ARHGAP29: variants seen among roughly 807,000 people sequenced by gnomAD.
ARHGAP29 encodes the protein rho GTPase-activating protein 29.
Under a neutral mutation model 122.6 loss-of-function variants are expected in ARHGAP29, and 43 were observed. The observed-to-expected ratio is 0.35, with a 90% confidence interval of 0.27 to 0.45. ARHGAP29 has a LOEUF of 0.45. ARHGAP29 is among the 20% of genes least tolerant of loss of function. ARHGAP29 has a pLI of 1.00. For synonymous variants in ARHGAP29, 506 were observed against 497.1 expected (o/e 1.02, Z -0.24); for missense variants, 1,303 against 1,477.2 (o/e 0.88, Z 1.93).
At chr1:94,183,251 G>A (rs1649590536) in intron 19 of ARHGAP29, among the ~76,000 whole-genome samples, 1 of 152,080 alleles carries the variant, frequency 6.6e-6, no homozygotes, top group South Asian at 2.1e-4. Flanking sequence ...GAACTGCAGA[G>A]ATTGATATGT....
intron 11 of ARHGAP29, chr1:94,202,147 G>A (rs1450070209): frequency 2.6e-5 from 11 of 426,344 alleles, no homozygotes; most frequent in East Asian, 2.0e-4. Flanking sequence ...GAATTTGTTC[G>A]TAAAATTACA....
rs1422997075 is a variant in ARHGAP29, at chr1:94,184,860, G to C, written c.2109+12C>G. On this transcript the variant is annotated intron_variant, in intron 18 of 22. Transcript: ENST00000260526. ...ATTTATGCTTTTTAAAATTTTAAGA[G>C]TTATAATGTACCTGTAGACACAAAG... The C allele has an allele frequency of 6.4e-7, 1 of 1,553,672 alleles. No homozygotes were observed. The highest frequency in any genetic ancestry group is 8.7e-7 in the Non-Finnish European group (1 of 1,153,572).
At chr1:94,204,928 C>A (rs1342031194) in intron 7 of ARHGAP29, 133 bp downstream of exon 7, 1 of 890,686 alleles carries the variant, frequency 1.1e-6, no homozygotes, top group Non-Finnish European at 1.6e-6. Context: ...AGAGTCTTTT[C>A]TGGATAATGG....
intron 19 of ARHGAP29, among the ~76,000 whole-genome samples, chr1:94,182,811 T>TAAAACAAAACAAAACAAAAC (rs55980639): frequency 2.9e-4 from 43 of 148,882 alleles, no homozygotes; most frequent in African/African-American, 9.9e-4. Flanking sequence ...AACAGGAGAA[T>TAAAACAAAACAAAACAAAAC]AAAACAAAAC....
At chr1:94,183,021 A>G (rs1649575040) in intron 19 of ARHGAP29, among the ~76,000 whole-genome samples, 1 of 152,180 alleles carries the variant, frequency 6.6e-6, no homozygotes, top group African/African-American at 2.4e-5. Context: ...GTAGTTAACA[A>G]TAATATATTA....
intron 22 of ARHGAP29, among the ~76,000 whole-genome samples, chr1:94,175,443 TCTC>T (rs745626019): frequency 5.9e-5 from 9 of 152,068 alleles, no homozygotes; most frequent in Non-Finnish European, 1.3e-4. Flanking sequence ...AGCCCTCCAT[TCTC>T]CTGCTTTTCT....
intron 1 of ARHGAP29, among the ~76,000 whole-genome samples, chr1:94,257,778 A>G (rs1028171494): frequency 1.3e-5 from 2 of 152,176 alleles, no homozygotes; most frequent in Non-Finnish European, 2.9e-5. Context: ...TATCCTAATG[A>G]TATATGCTCT....
At chr1:94,188,669 C>A (rs1411703) in intron 15 of ARHGAP29, among the ~76,000 whole-genome samples, 168 bp downstream of exon 15, 2 of 152,070 alleles carry the variant, frequency 1.3e-5, no homozygotes, top group Non-Finnish European at 2.9e-5. Context: ...CTATTCTTAG[C>A]CTGGGTGGCG....
chr1:94,273,633 C>T (rs1300878188), intron 1 of ARHGAP29, among the ~76,000 whole-genome samples: 10 of 152,178 alleles, frequency 6.6e-5, no homozygotes, highest in Non-Finnish European at 1.5e-4. Context: ...AAGTCAAGTC[C>T]TACTTCCGTC....
intron 2 of ARHGAP29, among the ~76,000 whole-genome samples, chr1:94,224,119 TC>T (rs1652482916): frequency 6.6e-6 from 1 of 152,154 alleles, no homozygotes; most frequent in Non-Finnish European, 1.5e-5. Flanking sequence ...TATAAAACCT[TC>T]CTGATGTGCT....
intron 2 of ARHGAP29, among the ~76,000 whole-genome samples, chr1:94,229,908 T>C (rs1232743877): frequency 6.6e-6 from 1 of 151,628 alleles, no homozygotes; most frequent in African/African-American, 2.4e-5. Context: ...AAATGAAGAT[T>C]TTTAAGAGAT....
In ARHGAP29 at chr1:94,261,695, A is replaced by G. The variant is rs1313470310; in HGVS notation, c.-33+13317T>C. Reference sequence around the variant, plus strand: ...TAAAATACCTAAGAATACAGCTAACAAGGGAGGTGAAAGTTCTCTACAAGG... The same window carrying G: ...TAAAATACCTAAGAATACAGCTAACGAGGGAGGTGAAAGTTCTCTACAAGG... On this transcript the variant is annotated intron_variant and NMD_transcript_variant, in intron 1 of 25. Transcript: ENST00000552844. Among the ~76,000 whole-genome samples, 4 of 152,196 alleles carry G rather than the reference A, an allele frequency of 2.6e-5. No individual in the cohort carries two copies. The South Asian group carries it at 8.3e-4, about 31-fold the overall frequency.
upstream of ARHGAP29, among the ~76,000 whole-genome samples, chr1:94,238,651 T>C (rs1298836062): frequency 6.6e-6 from 1 of 151,306 alleles, no homozygotes; most frequent in Non-Finnish European, 1.5e-5. Context: ...CACAGGAGAA[T>C]GTGCTGAGGA....
intron 1 of ARHGAP29, among the ~76,000 whole-genome samples, chr1:94,252,875 A>G (rs1654154518): frequency 1.3e-5 from 2 of 152,212 alleles, no homozygotes; most frequent in Admixed American, 6.5e-5. Flanking sequence ...TGATCCTCAC[A>G]AAATACCTGT....
chr1:94,210,076 T>C (rs929183399), intron 3 of ARHGAP29, among the ~76,000 whole-genome samples: 1 of 152,236 alleles, frequency 6.6e-6, no homozygotes. Context: ...TTTTAACTTC[T>C]GTATACACTC....
chr1:94,293,716 G>C, the ARHGAP29 span, among the ~76,000 whole-genome samples: 2 of 152,098 alleles, frequency 1.3e-5, no homozygotes, highest in African/African-American at 2.4e-5. Context: ...TGTGCATAGC[G>C]GGGGAGGTGT....
chr1:94,205,558 G>T, intron 6 of ARHGAP29, 77 bp downstream of exon 6: 4 of 1,342,324 alleles, frequency 3.0e-6, no homozygotes, highest in Non-Finnish European at 4.2e-6. Context: ...TACTAAGCAA[G>T]AAGAGATTAA....
intron 1 of ARHGAP29, among the ~76,000 whole-genome samples, chr1:94,256,591 T>C (rs1259937487): frequency 7.9e-6 from 1 of 127,230 alleles, no homozygotes; most frequent in Non-Finnish European, 1.6e-5. Flanking sequence ...AGAGTCTCGC[T>C]CTGTCTCCCA....
intron 19 of ARHGAP29, among the ~76,000 whole-genome samples, chr1:94,182,778 T>TG (rs568996745): frequency 1.2e-3 from 186 of 152,026 alleles, no homozygotes; most frequent in African/African-American, 4.4e-3. Context: ...TATTCTACCT[T>TG]GCTCAAGTAT....
Sources: gnomAD v4.1 joint callset for allele counts (sites outside exome capture counted in the v4.1 genomes callset) on GRCh38, gnomAD v4.1.1 for gene constraint, MANE v1.5 for transcripts, NCBI Gene and HGNC (gene_info 2026-07-23, HGNC 2026-07-21) for gene names.